The following SCTR variants were observed in gnomAD, a reference collection of about 807,000 sequenced individuals.
The protein encoded by SCTR is secretin receptor, also known as pancreatic secretin receptor.
SCTR carries 56 observed loss-of-function variants against 60.8 expected under a neutral mutation model. The ratio of observed to expected loss-of-function variants is 0.92; its 90% CI spans 0.74 to 1.15. SCTR has a LOEUF of 1.15. SCTR is among the 50% of genes most tolerant of loss of function. The pLI is 0.00. For synonymous variants in SCTR, 202 were observed against 217.0 expected (o/e 0.93, Z 0.61); for missense variants, 562 against 550.4 (o/e 1.02, Z -0.21).
At chr2:119,443,661 C>T (rs1428128919) in intron 11 of SCTR, among the ~76,000 whole-genome samples, 1 of 152,136 alleles carries the variant, frequency 6.6e-6, no homozygotes, top group Admixed American at 6.5e-5. Context: ...ATTCTCTTGC[C>T]TCAGCCTCCC....
chr2:119,479,135 G>A, intron 2 of SCTR: 1 of 1,303,594 alleles, frequency 7.7e-7, no homozygotes, highest in Non-Finnish European at 9.7e-7. Flanking sequence ...GTTGAAGATA[G>A]AAGGAAGTAA....
intron 11 of SCTR, among the ~76,000 whole-genome samples, chr2:119,446,066 G>A (rs934849920): frequency 1.3e-5 from 2 of 152,218 alleles, no homozygotes; most frequent in Non-Finnish European, 2.9e-5. Flanking sequence ...GTTTACTGTT[G>A]TTGTTTTTAA....
Position 119,441,612 on chromosome 2 carries a change from G to A in SCTR, c.1141-13C>T. The stretch of plus-strand genomic sequence containing the variant: ...CCACCACCAGTCCCTGCCAGAAGAA[G>A]AGAGGTAGCAGGGTTAGCACAGGTG... On this transcript the variant is annotated splice_polypyrimidine_tract_variant and intron_variant, in intron 11 of 12. Coordinates refer to ENST00000019103, the MANE Select transcript of SCTR (RefSeq NM_002980.3). 1 of 1,612,530 alleles carries A rather than the reference G, an allele frequency of 6.2e-7. No homozygotes were observed. Among genetic ancestry groups the A allele is most frequent in the Middle Eastern group, 1.6e-4 (1 of 6,062 alleles).
Position 119,494,518 on chromosome 2 carries a change from G to T in SCTR, c.103C>A (p.Leu35Ile). The T allele has an allele frequency of 6.2e-7, 1 of 1,614,092 alleles. No individual in the cohort carries two copies. The highest frequency in any genetic ancestry group is 8.5e-7 in the Non-Finnish European group (1 of 1,179,964). ...TGALPRLCDV[L>I]QVLWEEQDQC... ...TCTTGCTCTTCCCACAGCACTTGTA[G>T]CACGTCACATAGTCGGGGAAGGGCT... The change falls in exon 2 of 13, where the codon CTA (leucine) becomes ATA (isoleucine). Residue 35 changes from leucine (L) to isoleucine (I), a missense_variant. Leu to Ile is a conservative substitution (Grantham distance 5). Transcript: ENST00000019103.
intron 7 of SCTR, among the ~76,000 whole-genome samples, chr2:119,458,399 A>C (rs1184842092): frequency 6.6e-6 from 1 of 151,934 alleles, no homozygotes; most frequent in African/African-American, 2.4e-5. Flanking sequence ...CAGGAGATTG[A>C]GACCATCCTG....
chr2:119,524,039 A>T (rs977047852), intron 1 of SCTR, 116 bp downstream of exon 1: 1 of 761,574 alleles, frequency 1.3e-6, no homozygotes, highest in Non-Finnish European at 2.3e-6. Flanking sequence ...AAGAGTCCCT[A>T]TTCCTCATGG....
chr2:119,448,476 C>T (rs561701457), intron 10 of SCTR, among the ~76,000 whole-genome samples: 1 of 152,306 alleles, frequency 6.6e-6, no homozygotes, highest in Admixed American at 6.5e-5. Flanking sequence ...GGCTTCCTGC[C>T]TGAGATTTCT....
intron 7 of SCTR, among the ~76,000 whole-genome samples, chr2:119,457,565 C>T (rs1683422181): frequency 6.6e-6 from 1 of 151,908 alleles, no homozygotes; most frequent in Non-Finnish European, 1.5e-5. Context: ...TGTAAAAAAT[C>T]AGCCAGATGT....
chr2:119,486,386 A>G (rs1677866735), intron 2 of SCTR: 1 of 152,236 alleles, frequency 6.6e-6, no homozygotes, highest in African/African-American at 2.4e-5. Context: ...GCTTCTGAGC[A>G]CGGGGAGCTA....
intron 1 of SCTR, among the ~76,000 whole-genome samples, chr2:119,499,332 A>T (rs1678454555): frequency 1.3e-5 from 2 of 152,090 alleles, no homozygotes. Context: ...ACAGAAAATC[A>T]GCAAGGATCT....
At chr2:119,470,119 A>C (rs1391720175) in intron 4 of SCTR, among the ~76,000 whole-genome samples, 3 of 152,262 alleles carry the variant, frequency 2.0e-5, no homozygotes, top group Admixed American at 6.5e-5. Context: ...CAGGCAGTGG[A>C]GCCTCATTGG....
chr2:119,469,664 A>C (rs2579652), intron 4 of SCTR, among the ~76,000 whole-genome samples: 129,676 of 152,132 alleles, frequency 0.85, 55,356 homozygotes, highest in Non-Finnish European at 0.87. Context: ...TACTTAAAAA[A>C]ATTTTTTTTG....
At chr2:119,497,548 C>T (rs2104909574) in intron 1 of SCTR, among the ~76,000 whole-genome samples, 1 of 151,662 alleles carries the variant, frequency 6.6e-6, no homozygotes, top group South Asian at 2.1e-4. Context: ...GCATTATGAA[C>T]ATGCTAGAAA....
intron 1 of SCTR, among the ~76,000 whole-genome samples, chr2:119,500,638 A>AG (rs1474360219): frequency 2.6e-5 from 4 of 152,230 alleles, no homozygotes; most frequent in Admixed American, 2.6e-4. Flanking sequence ...GACAAAAAAA[A>AG]TCACATGTTC....
intron 3 of SCTR, among the ~76,000 whole-genome samples, chr2:119,477,791 G>C (rs1471048663): frequency 6.6e-6 from 1 of 152,230 alleles, no homozygotes; most frequent in East Asian, 1.9e-4. Flanking sequence ...TGAAGGCTTT[G>C]AGATGTGGGG....
At chr2:119,492,132 C>A (rs1678154792) in intron 2 of SCTR, among the ~76,000 whole-genome samples, 1 of 148,786 alleles carries the variant, frequency 6.7e-6, no homozygotes, top group Non-Finnish European at 1.5e-5. Flanking sequence ...TGCAGGTATT[C>A]TTCTCTCCTC....
At chr2:119,501,953 A>C (rs1678568266) in intron 1 of SCTR, among the ~76,000 whole-genome samples, 1 of 152,202 alleles carries the variant, frequency 6.6e-6, no homozygotes, top group Admixed American at 6.5e-5. Flanking sequence ...GAGCACATGC[A>C]CAGTGAATTA....
chr2:119,477,493 C>G (rs1677383411), intron 3 of SCTR, among the ~76,000 whole-genome samples: 1 of 152,132 alleles, frequency 6.6e-6, no homozygotes, highest in South Asian at 2.1e-4. Flanking sequence ...CTCTGTCGCC[C>G]AGGCTGGGGT....
At chr2:119,503,589 T>A (rs1481022299) in intron 1 of SCTR, among the ~76,000 whole-genome samples, 1 of 151,942 alleles carries the variant, frequency 6.6e-6, no homozygotes, top group Non-Finnish European at 1.5e-5. Context: ...GCAAAAACTT[T>A]GGTGACAGTA....
Sources: allele counts gnomAD v4.1 joint callset (sites outside exome capture counted in the v4.1 genomes callset), GRCh38; gene constraint gnomAD v4.1.1; transcripts MANE v1.5; gene names NCBI Gene and HGNC (gene_info 2026-07-23, HGNC 2026-07-21).